Variants in FSTL1 observed in about 807,000 individuals in gnomAD.
FSTL1 encodes follistatin like 1, also known as follistatin-related protein 1.
Under a neutral mutation model 45.9 loss-of-function variants are expected in FSTL1, and 24 were observed. That is an observed-to-expected ratio of 0.52 (90% CI 0.38 to 0.74). The LOEUF is 0.74. Ranked by LOEUF, FSTL1 falls within the 30% of genes least tolerant of loss-of-function variation. The pLI, the probability that FSTL1 is intolerant of heterozygous loss-of-function variation, is 0.00. For missense variants in FSTL1, 340 were observed against 381.8 expected (o/e 0.89, Z 0.91); for synonymous variants, 120 against 137.6 (o/e 0.87, Z 0.89).
intron 2 of FSTL1, among the ~76,000 whole-genome samples, chr3:120,440,905 A>G (rs1002974221): frequency 6.6e-6 from 1 of 152,216 alleles, no homozygotes; most frequent in Admixed American, 6.5e-5. Flanking sequence ...AAGGAGTGGT[A>G]CAGAGAGCTG....
intron 10 of FSTL1, among the ~76,000 whole-genome samples, chr3:120,397,953 C>A (rs892016620): frequency 1.3e-5 from 2 of 152,174 alleles, no homozygotes; most frequent in Non-Finnish European, 2.9e-5. Context: ...CTGATTCATG[C>A]TGTAAGAATG....
intron 2 of FSTL1, among the ~76,000 whole-genome samples, chr3:120,439,664 T>C (rs985680185): frequency 6.6e-6 from 1 of 152,222 alleles, no homozygotes; most frequent in Non-Finnish European, 1.5e-5. Context: ...AGACAAGCCC[T>C]GTGCCACACA....
intron 2 of FSTL1, among the ~76,000 whole-genome samples, chr3:120,429,299 G>A (rs2107665295): frequency 6.6e-6 from 1 of 152,362 alleles, no homozygotes; most frequent in East Asian, 1.9e-4. Flanking sequence ...TTCTGGAGCT[G>A]AGTGAGGATC....
At chr3:120,446,210 A>G (rs1220355251) in intron 2 of FSTL1, among the ~76,000 whole-genome samples, 1 of 152,202 alleles carries the variant, frequency 6.6e-6, no homozygotes, top group Non-Finnish European at 1.5e-5. Flanking sequence ...TTTACTTCCT[A>G]TTCTTGTGGC....
At chr3:120,448,783 G>A (rs1363210192) in intron 2 of FSTL1, among the ~76,000 whole-genome samples, 1 of 152,204 alleles carries the variant, frequency 6.6e-6, no homozygotes, top group Non-Finnish European at 1.5e-5. Flanking sequence ...CCAGGGATAA[G>A]TTTTCCCTGT....
chr3:120,405,106 T>C (rs1147701), intron 6 of FSTL1, 135 bp from the exon 7 acceptor site: 1 of 621,990 alleles, frequency 1.6e-6, no homozygotes, highest in Non-Finnish European at 3.0e-6. Context: ...TCAGAGGGCC[T>C]TGGCAACAAA....
In FSTL1 at chr3:120,407,390, T is replaced by G. The variant is rs114296155; in HGVS notation, c.462+2142A>C. Among the ~76,000 whole-genome samples, 335 of 152,310 alleles carry G rather than the reference T, an allele frequency of 2.2e-3. 1 individual carries two copies. The highest frequency in any genetic ancestry group is 7.8e-3 in the African/African-American group (325 of 41,558). On this transcript the variant is annotated intron_variant, in intron 6 of 10. Transcript: ENST00000295633. ...GATTGAGATCACACCCAGATGAAAT[T>G]AGGAATGGATTAGATTCCAAATTCC...
chr3:120,401,360 T>C (rs2107649445), intron 9 of FSTL1, among the ~76,000 whole-genome samples: 1 of 152,310 alleles, frequency 6.6e-6, no homozygotes, highest in Non-Finnish European at 1.5e-5. Flanking sequence ...TTTGCTGTCG[T>C]TCCACACTGA....
At chr3:120,428,481 C>A (rs954815458) in intron 2 of FSTL1, among the ~76,000 whole-genome samples, 1 of 152,114 alleles carries the variant, frequency 6.6e-6, no homozygotes, top group Non-Finnish European at 1.5e-5. Context: ...ACCTGTAATC[C>A]CAGCCCTCTG....
intron 7 of FSTL1, among the ~76,000 whole-genome samples, chr3:120,404,311 G>T (rs1936903975): frequency 6.6e-6 from 1 of 152,080 alleles, no homozygotes; most frequent in Admixed American, 6.5e-5. Flanking sequence ...AAAAAGACAT[G>T]CTTTTCCTAT....
intron 2 of FSTL1, among the ~76,000 whole-genome samples, chr3:120,417,575 G>A (rs1160610997): frequency 6.6e-6 from 1 of 152,194 alleles, no homozygotes; most frequent in Non-Finnish European, 1.5e-5. Flanking sequence ...AAGTCCGCGG[G>A]GATTGGAGAG....
chr3:120,443,765 T>C (rs1937677127), intron 2 of FSTL1, among the ~76,000 whole-genome samples: 1 of 149,864 alleles, frequency 6.7e-6, no homozygotes, highest in South Asian at 2.1e-4. Flanking sequence ...GGGTCATACA[T>C]TCAGACTAAT....
intron 7 of FSTL1, 102 bp from the exon 8 acceptor site, chr3:120,403,456 G>A (rs1936868900): frequency 1.5e-6 from 1 of 686,618 alleles, no homozygotes; most frequent in Non-Finnish European, 2.6e-6. Context: ...CTCCACAGGA[G>A]GCCAAGAAGA....
chr3:120,442,046 C>G (rs745932060), intron 2 of FSTL1, among the ~76,000 whole-genome samples: 3 of 152,334 alleles, frequency 2.0e-5, no homozygotes, highest in Admixed American at 6.5e-5. Flanking sequence ...AAAGACCATG[C>G]CTAGTGGATG....
intron 2 of FSTL1, among the ~76,000 whole-genome samples, chr3:120,438,827 C>T (rs1198085313): frequency 2.6e-5 from 4 of 152,170 alleles, no homozygotes; most frequent in African/African-American, 9.7e-5. Flanking sequence ...CAGCTCACAC[C>T]AGGGATGTCT....
chr3:120,407,350 A>G (rs575637906), intron 6 of FSTL1, among the ~76,000 whole-genome samples: 1 of 152,224 alleles, frequency 6.6e-6, no homozygotes, highest in South Asian at 2.1e-4. Context: ...AGCCCTGGCC[A>G]TCAGGAGCCA....
At chr3:120,440,604 G>A (rs1222086670) in intron 2 of FSTL1, among the ~76,000 whole-genome samples, 2 of 152,208 alleles carry the variant, frequency 1.3e-5, no homozygotes, top group Non-Finnish European at 2.9e-5. Flanking sequence ...TGGGCACAAG[G>A]TCTCTTATCC....
chr3:120,395,145 A>G lies in FSTL1; in HGVS notation c.*1807T>C, dbSNP rs1381942065. The G allele has an allele frequency of 6.5e-6, 1 of 154,538 alleles. No individual in the cohort carries two copies. The highest frequency in any genetic ancestry group is 1.4e-5 in the Non-Finnish European group (1 of 69,888). 9.6% of individuals were successfully genotyped at this position (154,538 alleles called of 1,614,324 possible). A position where few individuals can be genotyped will look rare whatever the true frequency, so the allele number is the denominator to read the frequency against. The stretch of plus-strand genomic sequence containing the variant: ...ACAAAGTGGAATTTTCTCCTTTCAA[A>G]TGAGAACAAGAAAAACTAGAAGGAA... On this transcript the variant is annotated 3_prime_UTR_variant, in exon 11 of 11. Transcript: ENST00000295633.
At chr3:120,439,566 T>C (rs1937607049) in intron 2 of FSTL1, among the ~76,000 whole-genome samples, 2 of 152,232 alleles carry the variant, frequency 1.3e-5, no homozygotes, top group African/African-American at 4.8e-5. Context: ...CATAGTCTAA[T>C]AAACATCACA....
Sources: allele counts gnomAD v4.1 joint callset (sites outside exome capture counted in the v4.1 genomes callset), GRCh38; gene constraint gnomAD v4.1.1; transcripts MANE v1.5; gene names NCBI Gene and HGNC (gene_info 2026-07-23, HGNC 2026-07-21).